HECW2: variants seen among roughly 807,000 people sequenced by gnomAD.
HECW2 encodes HECT, C2 and WW domain containing E3 ubiquitin protein ligase 2, also known as E3 ubiquitin-protein ligase HECW2.
A neutral mutation model predicts 175.2 loss-of-function variants in HECW2; 61 were observed. The observed-to-expected ratio is 0.35, with a 90% CI of 0.28 to 0.43. The LOEUF (loss-of-function observed/expected upper bound fraction) is 0.43, where lower values mean the gene tolerates loss of function less well. Among genes scored for constraint, HECW2 ranks in the 20% least tolerant of loss-of-function variants. The pLI is 1.00. For synonymous variants in HECW2, 671 were observed against 731.0 expected (o/e 0.92, Z 1.32); for missense variants, 1,524 against 2,000.5 (o/e 0.76, Z 4.54).
intron 1 of HECW2, among the ~76,000 whole-genome samples, chr2:196,545,579 C>T (rs1689389955): frequency 1.3e-5 from 2 of 152,204 alleles, no homozygotes; most frequent in South Asian, 2.1e-4. Context: ...TACACAAGGG[C>T]ACGCCAGGGA....
intron 1 of HECW2, among the ~76,000 whole-genome samples, chr2:196,561,677 TAGAA>T (rs1471573896): frequency 3.4e-4 from 51 of 152,092 alleles, no homozygotes; most frequent in Non-Finnish European, 6.5e-4. Flanking sequence ...TTAGGGAAAA[TAGAA>T]AAGAACCTAT....
chr2:196,258,181 T>C (rs534196353), intron 17 of HECW2: 10 of 388,868 alleles, frequency 2.6e-5, no homozygotes, highest in African/African-American at 1.8e-4. Flanking sequence ...GTACTATAAA[T>C]AGTATACTAT....
intron 2 of HECW2, among the ~76,000 whole-genome samples, chr2:196,413,602 C>T (rs182341664): frequency 1.3e-5 from 2 of 152,250 alleles, no homozygotes; most frequent in East Asian, 3.9e-4. Context: ...GCCTTGGCCT[C>T]CCAAAGTGCT....
At chr2:196,401,653 G>C (rs1694819706) in intron 2 of HECW2, among the ~76,000 whole-genome samples, 1 of 152,164 alleles carries the variant, frequency 6.6e-6, no homozygotes, top group African/African-American at 2.4e-5. Flanking sequence ...TATATACACA[G>C]GAGTGAATAC....
At chr2:196,246,239 T>C (rs1172268683) in intron 19 of HECW2, among the ~76,000 whole-genome samples, 1 of 152,204 alleles carries the variant, frequency 6.6e-6, no homozygotes, top group Non-Finnish European at 1.5e-5. Context: ...TCAGTGTCAG[T>C]GCTCCAGTCT....
chr2:196,301,722 A>ATTTTTTTTTTTTTTTTTTTTTTTTTTTT (rs1559022815), intron 13 of HECW2, among the ~76,000 whole-genome samples: 1 of 117,386 alleles, frequency 8.5e-6, no homozygotes, highest in African/African-American at 3.5e-5. Flanking sequence ...TTTTAATGGG[A>ATTTTTTTTTTTTTTTTTTTTTTTTTTTT]TTGTTTTTTT....
At chr2:196,349,834 C>T (rs1693106994) in intron 2 of HECW2, among the ~76,000 whole-genome samples, 2 of 152,140 alleles carry the variant, frequency 1.3e-5, no homozygotes, top group African/African-American at 4.8e-5. Flanking sequence ...CTTCTCAGAG[C>T]TTGTTAATGA....
At chr2:196,456,068 T>A (rs1696502048) in intron 1 of HECW2, among the ~76,000 whole-genome samples, 1 of 152,226 alleles carries the variant, frequency 6.6e-6, no homozygotes, top group South Asian at 2.1e-4. Flanking sequence ...AGAAGGCATA[T>A]AAATTATTTC....
chr2:196,556,912 A>ATACT, intron 1 of HECW2, among the ~76,000 whole-genome samples: 1 of 152,234 alleles, frequency 6.6e-6, no homozygotes, highest in Non-Finnish European at 1.5e-5. Flanking sequence ...TTCCTGATTA[A>ATACT]GAGTTGATAG....
chr2:196,534,243 G>A (rs1318824559), intron 1 of HECW2, among the ~76,000 whole-genome samples: 1 of 151,698 alleles, frequency 6.6e-6, no homozygotes, highest in African/African-American at 2.4e-5. Flanking sequence ...CACTGTAAAT[G>A]AGTCTTCGGT....
At chr2:196,271,918 CTTAG>C (rs969959873) in intron 16 of HECW2, among the ~76,000 whole-genome samples, 1 of 152,086 alleles carries the variant, frequency 6.6e-6, no homozygotes, top group African/African-American at 2.4e-5. Flanking sequence ...TTAGCTGTGG[CTTAG>C]TTAAACATTC....
rs368745543 is a variant in HECW2, at chr2:196,324,999, T to C, written c.722A>G (p.Asn241Ser). 2 of 1,581,590 alleles carry C rather than the reference T, an allele frequency of 1.3e-6. No individual in the cohort carries two copies. Among genetic ancestry groups the C allele is most frequent in the Non-Finnish European group, 1.7e-6 (2 of 1,168,606 alleles). The change falls in exon 6 of 29, where the codon AAT becomes AGT. Residue 241 changes from asparagine (N) to serine (S), a missense_variant. Coordinates refer to ENST00000644978, the MANE Select transcript of HECW2 (RefSeq NM_001348768.2). ...RRSTIISNTT[N>S]PIWHREKYSF... ...TCTTACCTCTCGGTGCCAAATTGGA[T>C]TGGTGGTGTTACTGATGATAGTAGA...
intron 14 of HECW2, among the ~76,000 whole-genome samples, chr2:196,284,172 C>T (rs983740423): frequency 2.0e-5 from 3 of 152,180 alleles, no homozygotes; most frequent in Non-Finnish European, 4.4e-5. Flanking sequence ...TGCTTGGCCT[C>T]ACCAGTTTCA....
intron 1 of HECW2, among the ~76,000 whole-genome samples, chr2:196,532,200 T>C (rs1258912358): frequency 6.6e-6 from 1 of 152,208 alleles, no homozygotes; most frequent in Non-Finnish European, 1.5e-5. Flanking sequence ...GCAGCACTGT[T>C]CACAATAGCA....
Position 196,229,857 on chromosome 2 carries a change from A to G in HECW2, c.3765-1603T>C, listed in dbSNP as rs151106677. On this transcript the variant is annotated intron_variant, in intron 21 of 28. Coordinates refer to ENST00000644978, the MANE Select transcript of HECW2 (RefSeq NM_001348768.2). The stretch of plus-strand genomic sequence containing the variant: ...TTTTAATAGAACTTTGTCTTACACA[A>G]TCTTTATAAAGTTTTGATGTGCTAG... 2.9e-3 allele frequency among the ~76,000 whole-genome samples: 443 copies of G among 152,324 alleles called. 3 individuals are homozygous for G. The highest frequency in any genetic ancestry group is 0.01 in the African/African-American group (421 of 41,560).
rs766154324 is a variant in HECW2 at position 196,433,183 on chromosome 2, C to T, written c.241G>A (p.Asp81Asn). The T allele has an allele frequency of 1.9e-6, 3 of 1,614,126 alleles. No homozygotes were observed. The highest frequency in any genetic ancestry group is 1.7e-5 in the Admixed American group (1 of 60,028). The change falls in exon 2 of 29, where the codon GAC (aspartate) becomes AAC (asparagine). Residue 81 changes from aspartate to asparagine, a missense_variant. Transcript: ENST00000644978. ...GQAQNLIIFW[D>N]IKEEVDPSDW... The stretch of plus-strand genomic sequence containing the variant: ...CTGGGGTCCACCTCCTCTTTAATGT[C>T]CCAGAAGATAATGAGGTTCTGGGCT...
intron 1 of HECW2, among the ~76,000 whole-genome samples, chr2:196,456,127 C>T (rs1222837317): frequency 6.6e-6 from 1 of 151,900 alleles, no homozygotes; most frequent in African/African-American, 2.4e-5. Flanking sequence ...TTGCTAAGCC[C>T]CAAAATGAGG....
intron 1 of HECW2, among the ~76,000 whole-genome samples, chr2:196,439,905 A>G (rs189237066): frequency 6.6e-6 from 1 of 152,344 alleles, no homozygotes; most frequent in East Asian, 1.9e-4. Context: ...TTTTAGTGAC[A>G]TGAAAAGAAA....
chr2:196,236,845 A>C (rs1187768295), intron 21 of HECW2, among the ~76,000 whole-genome samples: 1 of 152,208 alleles, frequency 6.6e-6, no homozygotes, highest in African/African-American at 2.4e-5. Flanking sequence ...GTTGACCTTG[A>C]TCACCTGACT....
Sources: allele counts gnomAD v4.1 joint callset (sites outside exome capture counted in the v4.1 genomes callset), GRCh38; gene constraint gnomAD v4.1.1; transcripts MANE v1.5; gene names NCBI Gene and HGNC (gene_info 2026-07-23, HGNC 2026-07-21).